CSMD1: variants seen among roughly 807,000 people sequenced by gnomAD.
The protein encoded by CSMD1 is CUB and sushi domain-containing protein 1.
In CSMD1, 213 loss-of-function variants were observed where a neutral mutation model predicts 417.5. That is an observed-to-expected ratio of 0.51 (90% CI 0.46 to 0.57). The LOEUF is 0.57. Ranked by LOEUF, CSMD1 falls within the 20% of genes least tolerant of loss-of-function variation. The pLI is 0.00. For missense variants in CSMD1, 6,923 were observed against 4,529.7 expected (o/e 1.53, Z -15.17); for synonymous variants, 2,862 against 1,736.8 (o/e 1.65, Z -16.11).
At chr8:4,615,017 G>A (rs201011153) in intron 2 of CSMD1, among the ~76,000 whole-genome samples, 6 of 152,126 alleles carry the variant, frequency 3.9e-5, no homozygotes, top group Admixed American at 1.3e-4. Flanking sequence ...ATTGGTGGAC[G>A]CTAATGACTT....
At chr8:4,247,688 C>T (rs1168100387) in intron 3 of CSMD1, among the ~76,000 whole-genome samples, 1 of 152,094 alleles carries the variant, frequency 6.6e-6, no homozygotes, top group African/African-American at 2.4e-5. Context: ...GTATGAGCTT[C>T]TGCATTTTTA....
Position 3,653,235 on chromosome 8 carries a change from G to C in CSMD1, c.1010-36438C>G, listed in dbSNP as rs1422686513. Among the ~76,000 whole-genome samples the C allele has an allele frequency of 3.3e-5, 5 of 151,622 alleles. No homozygotes were observed. In the East Asian group the frequency reaches 9.7e-4, roughly 29 times the overall value. ...CCAAACTTTTCTTATTTTTTACATT[G>C]TCTCATATAAATATCAAATAGATAA... On this transcript the variant is annotated intron_variant, in intron 7 of 69. Coordinates refer to ENST00000635120, the MANE Select transcript of CSMD1 (RefSeq NM_033225.6).
At chr8:4,120,406 C>G (rs1303442845) in intron 3 of CSMD1, among the ~76,000 whole-genome samples, 2 of 152,240 alleles carry the variant, frequency 1.3e-5, no homozygotes, top group Middle Eastern at 3.4e-3. Flanking sequence ...TATGCCCATC[C>G]AATTGTTTGT....
At chr8:4,414,790 G>T (rs1585039000) in intron 3 of CSMD1, among the ~76,000 whole-genome samples, 1 of 152,238 alleles carries the variant, frequency 6.6e-6, no homozygotes, top group East Asian at 1.9e-4. Context: ...CATGTGCCAA[G>T]TGTCAAGGAT....
At chr8:3,064,284 G>C (rs750400858) in intron 49 of CSMD1, among the ~76,000 whole-genome samples, 3 of 152,168 alleles carry the variant, frequency 2.0e-5, no homozygotes, top group Non-Finnish European at 4.4e-5. Flanking sequence ...CTGGTGGGAG[G>C]TGACTGGATC....
intron 5 of CSMD1, among the ~76,000 whole-genome samples, chr8:3,954,181 G>A (rs1457728222): frequency 1.3e-5 from 2 of 152,150 alleles, no homozygotes; most frequent in East Asian, 1.9e-4. Context: ...TGCATCCTCA[G>A]AAGAAGGAAT....
chr8:3,219,350 G>T lies in CSMD1; in HGVS notation c.4577C>A (p.Ala1526Asp). 1 of 1,575,282 alleles carries T rather than the reference G, an allele frequency of 6.3e-7. No homozygotes were observed. The highest frequency in any genetic ancestry group is 8.6e-7 in the Non-Finnish European group (1 of 1,159,456). The change falls in exon 29 of 70, where the codon GCC becomes GAC. Residue 1526 changes from alanine to aspartate, a missense_variant. Physicochemically the swap from Ala to Asp is moderately radical, Grantham distance 126 (BLOSUM62 -2). Transcript: ENST00000635120. ...PLIGSYQGSQ[A>D]PERIESSGNS... ...TCCGCTACTCTCTATTCTTTCTGGG[G>T]CCTGAGAGCCCTGGTAACTCCCAAT...
At chr8:3,454,718 C>T (rs1461844499) in intron 12 of CSMD1, among the ~76,000 whole-genome samples, 1 of 152,142 alleles carries the variant, frequency 6.6e-6, no homozygotes, top group African/African-American at 2.4e-5. Flanking sequence ...GTGGGTAACC[C>T]GACCTTTCTC....
chr8:3,935,240 T>C (rs954762658), intron 5 of CSMD1, among the ~76,000 whole-genome samples: 5 of 152,168 alleles, frequency 3.3e-5, no homozygotes, highest in Non-Finnish European at 5.9e-5. Context: ...TCTTAAAATG[T>C]AGAAGAACAG....
intron 4 of CSMD1, among the ~76,000 whole-genome samples, chr8:4,015,424 A>C (rs1796474018): frequency 6.6e-6 from 1 of 152,154 alleles, no homozygotes; most frequent in Admixed American, 6.5e-5. Flanking sequence ...CAGTTCATAT[A>C]GAATTGGCAA....
At chr8:4,777,973 G>T (rs80266136) in intron 1 of CSMD1, among the ~76,000 whole-genome samples, 21,446 of 151,962 alleles carry the variant, frequency 0.14, 1,566 homozygotes, top group East Asian at 0.28. Context: ...TTTTACATAG[G>T]GTTAAGCTTT....
chr8:4,385,803 C>G (rs1803410080), intron 3 of CSMD1, among the ~76,000 whole-genome samples: 2 of 152,062 alleles, frequency 1.3e-5, no homozygotes, highest in South Asian at 4.2e-4. Flanking sequence ...GTGTTAATGT[C>G]TCATAGCTTA....
At chr8:4,910,110 G>A (rs1056693673) in intron 1 of CSMD1, among the ~76,000 whole-genome samples, 1 of 152,058 alleles carries the variant, frequency 6.6e-6, no homozygotes, top group African/African-American at 2.4e-5. Flanking sequence ...CTTAATTATT[G>A]TCTAAATTTT....
chr8:3,690,994 G>A (rs919193398), intron 7 of CSMD1, among the ~76,000 whole-genome samples: 6 of 152,276 alleles, frequency 3.9e-5, no homozygotes, highest in African/African-American at 1.4e-4. Flanking sequence ...AGGGTGGGGA[G>A]TGCTGACGGG....
intron 1 of CSMD1, among the ~76,000 whole-genome samples, chr8:4,882,168 G>T (rs1803446947): frequency 6.6e-6 from 1 of 152,036 alleles, no homozygotes; most frequent in South Asian, 2.1e-4. Flanking sequence ...GGAAATCCCA[G>T]TCTCCTTGGC....
At chr8:4,427,377 G>A (rs1049518441) in intron 2 of CSMD1, among the ~76,000 whole-genome samples, 5 of 152,044 alleles carry the variant, frequency 3.3e-5, no homozygotes, top group African/African-American at 9.7e-5. Flanking sequence ...TCTGGAACCA[G>A]GTGCTTTATC....
intron 1 of CSMD1, among the ~76,000 whole-genome samples, chr8:4,722,424 T>A (rs942206286): frequency 5.9e-5 from 9 of 152,152 alleles, no homozygotes; most frequent in Non-Finnish European, 1.3e-4. Flanking sequence ...GAGTGAAAAG[T>A]GATGCCTTCT....
intron 7 of CSMD1, among the ~76,000 whole-genome samples, chr8:3,647,792 T>C (rs746870892): frequency 6.6e-6 from 1 of 152,102 alleles, no homozygotes; most frequent in Admixed American, 6.5e-5. Flanking sequence ...GAGAGAGAGA[T>C]ATTGAAAAGT....
rs1352134398 is a variant in CSMD1, at chr8:4,856,432, C to T, written c.85+137900G>A. 4.9e-5 allele frequency among the ~76,000 whole-genome samples: 7 copies of T among 141,840 alleles called. No homozygotes were observed. The East Asian group carries it at 1.3e-3, about 26-fold the overall frequency. 93.1% of individuals were successfully genotyped at this position (141,840 alleles called of 152,430 possible). On this transcript the variant is annotated intron_variant, in intron 1 of 69. Coordinates refer to ENST00000635120, the MANE Select transcript of CSMD1 (RefSeq NM_033225.6). ...ACATAACAATATTAACTTTAAATGTCAATGGACTAAATGCTCCAATTAAAA... is the reference window on the plus strand; with the variant it reads ...ACATAACAATATTAACTTTAAATGTTAATGGACTAAATGCTCCAATTAAAA...
Sources: allele counts gnomAD v4.1 joint callset (sites outside exome capture counted in the v4.1 genomes callset), GRCh38; gene constraint gnomAD v4.1.1; transcripts MANE v1.5; gene names NCBI Gene and HGNC (gene_info 2026-07-23, HGNC 2026-07-21).